WWOX: variants seen among roughly 807,000 people sequenced by gnomAD.
WWOX encodes WW domain containing oxidoreductase, also known as WW domain-containing oxidoreductase.
Under a neutral mutation model 46.2 loss-of-function variants are expected in WWOX, and 69 were observed. That is an observed-to-expected ratio of 1.49 (90% CI 1.23 to 1.82). The LOEUF is 1.82. WWOX is among the 40% of genes most tolerant of loss of function. The pLI, the probability that WWOX is intolerant of heterozygous loss-of-function variation, is 0.00. For missense variants in WWOX, 919 were observed against 542.6 expected, an observed-to-expected ratio of 1.69 and a Z score of -6.89; for synonymous variants, 359 against 202.6, an observed-to-expected ratio of 1.77 and a Z score of -6.56.
intron 5 of WWOX, among the ~76,000 whole-genome samples, chr16:78,256,762 T>G (rs2038142447): frequency 6.6e-6 from 1 of 152,034 alleles, no homozygotes; most frequent in Admixed American, 6.6e-5. Flanking sequence ...AGAACATTGG[T>G]GAATGGTAGT....
intron 4 of WWOX, among the ~76,000 whole-genome samples, chr16:78,121,982 TC>T (rs2033117349): frequency 6.6e-6 from 1 of 152,174 alleles, no homozygotes; most frequent in African/African-American, 2.4e-5. Flanking sequence ...TTTTGAGGTT[TC>T]AGTTACCTGA....
intron 8 of WWOX, among the ~76,000 whole-genome samples, chr16:78,757,772 T>A (rs1469893080): frequency 6.6e-6 from 1 of 152,006 alleles, no homozygotes; most frequent in Non-Finnish European, 1.5e-5. Flanking sequence ...GATTGACAGA[T>A]AGCGACCTTC....
intron 5 of WWOX, among the ~76,000 whole-genome samples, chr16:78,312,991 G>C (rs1351193498): frequency 6.6e-6 from 1 of 152,212 alleles, no homozygotes; most frequent in Non-Finnish European, 1.5e-5. Context: ...CCTGTTGAGT[G>C]ATTGTGAATG....
chr16:78,872,748 G>GT (rs2044154622), intron 8 of WWOX: 1 of 152,098 alleles, frequency 6.6e-6, no homozygotes, highest in Admixed American at 6.6e-5. Context: ...CATCTTGGTG[G>GT]TTTTTGAAGC....
Position 78,812,125 on chromosome 16 carries a change from C to G in WWOX, c.1056+379373C>G, listed in dbSNP as rs771833806. Among the ~76,000 whole-genome samples, 9 of 152,190 alleles carry G rather than the reference C, an allele frequency of 5.9e-5. No homozygotes were observed. The East Asian group carries it at 9.7e-4, about 16-fold the overall frequency. ...CCAAAGTCCCCAGCCACCACAGAGA[C>G]CAAATACAGTAGGTACCAATGCATG... On this transcript the variant is annotated intron_variant, in intron 8 of 8. Transcript: ENST00000566780.
chr16:78,188,740 A>G (rs2035788352), intron 5 of WWOX, among the ~76,000 whole-genome samples: 1 of 152,126 alleles, frequency 6.6e-6, no homozygotes, highest in African/African-American at 2.4e-5. Context: ...TGACAGACCC[A>G]TGGGTGTTAA....
At chr16:79,145,728 T>C (rs1473776283) in intron 8 of WWOX, among the ~76,000 whole-genome samples, 2 of 152,174 alleles carry the variant, frequency 1.3e-5, no homozygotes, top group Non-Finnish European at 2.9e-5. Context: ...TAAAAATTAC[T>C]AGCAATGAAA....
At position 78,360,585 on chromosome 16, in the gene WWOX, C is replaced by CAAAA. The variant is rs56382445; in HGVS notation, c.517-26264_517-26261dup. On this transcript the variant is annotated intron_variant, in intron 5 of 8. Coordinates refer to ENST00000566780, the MANE Select transcript of WWOX (RefSeq NM_016373.4). ...TGGGCGACAGAGTGAGACTCTGTCT[C>CAAAA]AAAAAAAAAAAAAAGTTGCAGAAAT... Among the ~76,000 whole-genome samples, 37 of 86,528 alleles carry CAAAA rather than the reference C, an allele frequency of 4.3e-4. 2 individuals carry two copies. Among genetic ancestry groups the CAAAA allele is most frequent in the African/African-American group, 1.7e-3 (33 of 19,714 alleles). The allele number at this position is 86,528 out of a possible 152,430, so 56.8% of individuals were successfully genotyped here.
chr16:78,805,622 A>G (rs1223145465), intron 8 of WWOX, among the ~76,000 whole-genome samples: 4 of 152,170 alleles, frequency 2.6e-5, no homozygotes, highest in Admixed American at 1.3e-4. Flanking sequence ...TAGATGCAGA[A>G]GAGTGGGATC....
chr16:78,945,320 T>C lies in WWOX; in HGVS notation c.1057-266288T>C, dbSNP rs144679471. 1.6e-3 allele frequency among the ~76,000 whole-genome samples: 251 copies of C among 152,350 alleles called. 1 individual carries two copies. The highest frequency in any genetic ancestry group is 5.8e-3 in the African/African-American group (240 of 41,594). ...TTTGAGTTGAGCAATTTGATTTGATTGATCTTCTTAAATGTATAATCTCAA... is the reference window on the plus strand; with the variant it reads ...TTTGAGTTGAGCAATTTGATTTGATCGATCTTCTTAAATGTATAATCTCAA... On this transcript the variant is annotated intron_variant, in intron 8 of 8. Transcript: ENST00000566780.
chr16:78,818,646 A>G (rs1159256564), intron 8 of WWOX, among the ~76,000 whole-genome samples: 1 of 152,200 alleles, frequency 6.6e-6, no homozygotes, highest in Non-Finnish European at 1.5e-5. Flanking sequence ...CAGGAGGATC[A>G]CTTGAGCCTC....
intron 4 of WWOX, among the ~76,000 whole-genome samples, chr16:78,140,986 A>T (rs1336526795): frequency 1.3e-5 from 2 of 152,230 alleles, no homozygotes; most frequent in Non-Finnish European, 2.9e-5. Context: ...TGGTGATTAC[A>T]GCAGTGAACA....
chr16:78,345,472 A>C lies in WWOX; in HGVS notation c.517-41388A>C, dbSNP rs1369267150. On this transcript the variant is annotated intron_variant, in intron 5 of 8. Transcript: ENST00000566780. Reference sequence around the variant, plus strand: ...CCCATCGCTACCAAAAAAAAAAAAAAAAAAAAAAAAAAAAAAAAAAAATTT... The same window carrying C: ...CCCATCGCTACCAAAAAAAAAAAAACAAAAAAAAAAAAAAAAAAAAAATTT... Among the ~76,000 whole-genome samples the C allele has an allele frequency of 1.8e-4, 9 of 50,804 alleles. 1 individual carries two copies. Among genetic ancestry groups the C allele is most frequent in the African/African-American group, 8.8e-4 (9 of 10,210 alleles). 33.3% of individuals were successfully genotyped at this position (50,804 alleles called of 152,430 possible).
chr16:78,906,631 C>T (rs2044972564), intron 8 of WWOX, among the ~76,000 whole-genome samples: 1 of 152,196 alleles, frequency 6.6e-6, no homozygotes, highest in Non-Finnish European at 1.5e-5. Context: ...TGCCAGTCAG[C>T]TTCAGTGATG....
At chr16:79,165,040 C>A (rs926302539) in intron 8 of WWOX, among the ~76,000 whole-genome samples, 3 of 151,764 alleles carry the variant, frequency 2.0e-5, no homozygotes, top group Non-Finnish European at 4.4e-5. Context: ...ATTTGAGGGT[C>A]TCTGGGAGGA....
At chr16:78,164,417 C>G (rs2034906034) in intron 5 of WWOX, 128 bp downstream of exon 5, 1 of 849,240 alleles carries the variant, frequency 1.2e-6, no homozygotes, top group Non-Finnish European at 1.9e-6. Context: ...TTAAAGTCAT[C>G]TTCACTTTGT....
chr16:78,371,606 A>T (rs955826158), intron 5 of WWOX, among the ~76,000 whole-genome samples: 1 of 152,000 alleles, frequency 6.6e-6, no homozygotes, highest in Non-Finnish European at 1.5e-5. Flanking sequence ...TGGCTGTGTT[A>T]TTTGGCACAT....
intron 8 of WWOX, among the ~76,000 whole-genome samples, chr16:78,646,896 A>G (rs2046857364): frequency 1.3e-5 from 2 of 152,050 alleles, no homozygotes; most frequent in African/African-American, 4.8e-5. Context: ...TGTGAGTAAG[A>G]GAAGTCTCAC....
chr16:78,802,843 G>A (rs950959417), intron 8 of WWOX, among the ~76,000 whole-genome samples: 4 of 144,472 alleles, frequency 2.8e-5, no homozygotes, highest in African/African-American at 7.7e-5. Context: ...TTGAACCCAG[G>A]AGGGACAGGT....
Sources: gnomAD v4.1 joint callset for allele counts (sites outside exome capture counted in the v4.1 genomes callset) on GRCh38, gnomAD v4.1.1 for gene constraint, MANE v1.5 for transcripts, NCBI Gene and HGNC (gene_info 2026-07-23, HGNC 2026-07-21) for gene names.